Variants in ELOB observed in about 807,000 individuals in gnomAD.
ELOB encodes elongin B, also known as elongin-B.
In ELOB, 3 loss-of-function variants were observed where a neutral mutation model predicts 12.9. That is an observed-to-expected ratio of 0.23 (90% CI 0.11 to 0.60). ELOB has a LOEUF of 0.60. Among genes scored for constraint, ELOB ranks in the 20% least tolerant of loss-of-function variants. The probability of loss-of-function intolerance (pLI) is 0.89; values close to 1 mark genes in which losing one functional copy is unlikely to be tolerated. For synonymous variants in ELOB, 84 were observed against 67.4 expected (o/e 1.25, Z -1.21); for missense variants, 126 against 159.2 (o/e 0.79, Z 1.12).
intron 3 of ELOB, among the ~76,000 whole-genome samples, chr16:2,773,335 C>A (rs1192465426): frequency 6.6e-6 from 1 of 152,148 alleles, no homozygotes; most frequent in Non-Finnish European, 1.5e-5. Flanking sequence ...GCAACCCACA[C>A]AGCAATCCAG....
At position 2,771,531 on chromosome 16, in the gene ELOB, A is replaced by G. The variant is rs756846212; in HGVS notation, c.*459T>C. On this transcript the variant is annotated 3_prime_UTR_variant, in exon 4 of 4. Transcript: ENST00000409906. ...CCGTCTTGGGGTTCCCTCGTTGAAC[A>G]TGCTGTCAAACCAGGACACTGGCTC... The G allele has an allele frequency of 7.4e-6, 12 of 1,614,078 alleles. No homozygotes were observed. The highest frequency in any genetic ancestry group is 2.2e-5 in the South Asian group (2 of 91,088).
chr16:2,775,405 A>G (rs2068793130), intron 3 of ELOB, 46 bp downstream of exon 3: 1 of 1,448,028 alleles, frequency 6.9e-7, no homozygotes, highest in Admixed American at 2.0e-5. Flanking sequence ...CAGTGTTCCC[A>G]ACCTGCTTGG....
In ELOB at chr16:2,771,468, G is replaced by C. The variant is rs747651035; in HGVS notation, c.*522C>G. 1.2e-6 allele frequency: 2 copies of C among 1,614,184 alleles called. No homozygotes were observed. Among genetic ancestry groups the C allele is most frequent in the South Asian group, 2.2e-5 (2 of 91,082 alleles). On this transcript the variant is annotated 3_prime_UTR_variant, in exon 4 of 4. Coordinates refer to ENST00000409906, the MANE Select transcript of ELOB (RefSeq NM_007108.4). ...GTTAAGGGGGCAGCCACTTCCCTCC[G>C]TGATTACAGCCCCCAGCGTGGGTGG...
intron 2 of ELOB, among the ~76,000 whole-genome samples, chr16:2,776,588 T>G (rs118113051): frequency 0.022 from 3,396 of 152,200 alleles, 60 homozygotes; most frequent in Non-Finnish European, 0.035. Context: ...CCCGAAGGAG[T>G]GTCCGGGGGG....
chr16:2,771,498 G>C lies in ELOB; in HGVS notation c.*492C>G. 1 of 1,614,246 alleles carries C rather than the reference G, an allele frequency of 6.2e-7. No individual in the cohort carries two copies. Among genetic ancestry groups the C allele is most frequent in the Non-Finnish European group, 8.5e-7 (1 of 1,180,050 alleles). On this transcript the variant is annotated 3_prime_UTR_variant, in exon 4 of 4. Coordinates refer to ENST00000409906, the MANE Select transcript of ELOB (RefSeq NM_007108.4). ...TACAGCCCCCAGCGTGGGTGGACCT[G>C]TGTGGGTCCGTCTTGGGGTTCCCTC...
In ELOB at chr16:2,771,797, G is replaced by C; in HGVS notation, c.*193C>G. ...CAGGTCCCCATGGTGCCTTTAAGCA[G>C]CAGGCTGGGCCAAGTTCTCAGCCAG... On this transcript the variant is annotated 3_prime_UTR_variant, in exon 4 of 4. Transcript: ENST00000409906. 6.9e-7 allele frequency: 1 copy of C among 1,453,654 alleles called. No homozygotes were observed. The highest frequency in any genetic ancestry group is 2.5e-5 in the East Asian group (1 of 40,388). 90.0% of individuals were successfully genotyped at this position (1,453,654 alleles called of 1,614,324 possible).
At chr16:2,774,983 T>C (rs916947) in intron 3 of ELOB, among the ~76,000 whole-genome samples, 121,269 of 152,112 alleles carry the variant, frequency 0.8, 48,822 homozygotes, top group Admixed American at 0.85. Context: ...CGGTGATACA[T>C]AGCATAGAGC....
chr16:2,776,414 C>T (rs991548609), intron 2 of ELOB, among the ~76,000 whole-genome samples: 1 of 152,200 alleles, frequency 6.6e-6, no homozygotes, highest in Admixed American at 6.5e-5. Flanking sequence ...ATGCAGACCC[C>T]AAACCCCAAG....
At position 2,771,677 on chromosome 16, in the gene ELOB, G is replaced by C; in HGVS notation, c.*313C>G. 1 of 1,602,496 alleles carries C rather than the reference G, an allele frequency of 6.2e-7. No individual in the cohort carries two copies. The highest frequency in any genetic ancestry group is 8.5e-7 in the Non-Finnish European group (1 of 1,174,832). On this transcript the variant is annotated 3_prime_UTR_variant, in exon 4 of 4. Transcript: ENST00000409906. ...TCTCTTGTCCCTGAGGCTGGCTCTG[G>C]TCTTTGTGTCTCTCCCAGTCCTTCC... is the stretch of plus-strand genomic sequence containing the variant.
intron 2 of ELOB, among the ~76,000 whole-genome samples, chr16:2,776,645 G>T (rs1019771591): frequency 6.6e-6 from 1 of 152,268 alleles, no homozygotes; most frequent in African/African-American, 2.4e-5. Flanking sequence ...GGATTAAGGG[G>T]TCGTGGTTCG....
chr16:2,775,659 TC>T, intron 2 of ELOB, 103 bp from the exon 3 acceptor site: 1 of 821,206 alleles, frequency 1.2e-6, no homozygotes, highest in Non-Finnish European at 1.9e-6. Context: ...AAGAGAGAGT[TC>T]CCTCAGTGTG....
chr16:2,773,452 C>T (rs1567256504), intron 3 of ELOB, among the ~76,000 whole-genome samples: 1 of 152,120 alleles, frequency 6.6e-6, no homozygotes, highest in Non-Finnish European at 1.5e-5. Flanking sequence ...TGTGATGAGC[C>T]GGGACAATGC....
chr16:2,776,810 G>C (rs2068803718), intron 2 of ELOB, among the ~76,000 whole-genome samples, 183 bp downstream of exon 2: 1 of 152,124 alleles, frequency 6.6e-6, no homozygotes, highest in Non-Finnish European at 1.5e-5. Context: ...CATCGCCCCC[G>C]GACCGGAGAT....
At chr16:2,775,600 A>C in intron 2 of ELOB, 44 bp from the exon 3 acceptor site, 1 of 1,514,896 alleles carries the variant, frequency 6.6e-7, no homozygotes, top group Non-Finnish European at 9.0e-7. Flanking sequence ...TACATGGGGC[A>C]AGTCCCAAAG....
At chr16:2,775,593 A>G (rs3094774) in intron 2 of ELOB, 37 bp from the exon 3 acceptor site, 1,282,724 of 1,572,674 alleles carry the variant, frequency 0.82, 529,753 homozygotes, top group Admixed American at 0.86. Flanking sequence ...GAGGCCCTAC[A>G]TGGGGCAAGT....
intron 3 of ELOB, among the ~76,000 whole-genome samples, 177 bp downstream of exon 3, chr16:2,775,274 T>TAA (rs1567257167): frequency 6.7e-6 from 1 of 148,330 alleles, no homozygotes; most frequent in Non-Finnish European, 1.5e-5. Context: ...TGCTTCTTTT[T>TAA]TAAAAAAAAA....
chr16:2,775,588 C>A (rs1452875653), intron 2 of ELOB, 32 bp from the exon 3 acceptor site: 3 of 1,579,738 alleles, frequency 1.9e-6, no homozygotes, highest in South Asian at 1.1e-5. Flanking sequence ...TGGGAGAGGC[C>A]CTACATGGGG....
intron 3 of ELOB, among the ~76,000 whole-genome samples, 192 bp downstream of exon 3, chr16:2,775,259 T>TGAGC (rs2068792006): frequency 6.6e-6 from 1 of 151,464 alleles, no homozygotes; most frequent in Non-Finnish European, 1.5e-5. Flanking sequence ...AGCATCTCAT[T>TGAGC]TGGTTGCTTC....
At chr16:2,772,127 A>AG (rs111815759) in intron 3 of ELOB, 25 bp from the exon 4 acceptor site, 2 of 1,570,286 alleles carry the variant, frequency 1.3e-6, no homozygotes, top group South Asian at 1.2e-5. Flanking sequence ...GCAGAGCTGC[A>AG]GGGGGGTATT....
Sources: gnomAD v4.1 joint callset for allele counts (sites outside exome capture counted in the v4.1 genomes callset) on GRCh38, gnomAD v4.1.1 for gene constraint, MANE v1.5 for transcripts, NCBI Gene and HGNC (gene_info 2026-07-23, HGNC 2026-07-21) for gene names.